PALM2AKAP2: variants seen among roughly 807,000 people sequenced by gnomAD.
PALM2AKAP2 encodes PALM2-AKAP2 fusion protein.
A neutral mutation model predicts 71.5 loss-of-function variants in PALM2AKAP2; 37 were observed. The observed-to-expected ratio is 0.52, with a 90% CI of 0.40 to 0.68. PALM2AKAP2 has a LOEUF of 0.68. PALM2AKAP2 is among the 30% of genes least tolerant of loss of function. The pLI is 0.00. For missense variants in PALM2AKAP2, 1,224 were observed against 1,191.8 expected (o/e 1.03, Z -0.40); for synonymous variants, 468 against 478.8 (o/e 0.98, Z 0.29).
chr9:109,748,309 G>A (rs192459789), intron 1 of PALM2AKAP2, among the ~76,000 whole-genome samples: 106 of 152,256 alleles, frequency 7.0e-4, no homozygotes, highest in Non-Finnish European at 1.3e-3. Context: ...CTGCAGTTGA[G>A]GGTACATGAA....
At chr9:110,160,051 G>A (rs911926814) in intron 3 of PALM2AKAP2, among the ~76,000 whole-genome samples, 10 of 152,140 alleles carry the variant, frequency 6.6e-5, no homozygotes, top group Non-Finnish European at 1.3e-4. Context: ...CTAATTCTGA[G>A]GGCAGGAGGA....
chr9:109,741,991 T>C (rs3117682), intron 1 of PALM2AKAP2, among the ~76,000 whole-genome samples: 69,514 of 151,986 alleles, frequency 0.46, 16,188 homozygotes, highest in East Asian at 0.5. Context: ...TATTAGATGT[T>C]TATTGCACTT....
intron 6 of PALM2AKAP2, among the ~76,000 whole-genome samples, chr9:110,000,642 A>G (rs919209859): frequency 1.3e-5 from 2 of 152,142 alleles, no homozygotes; most frequent in Non-Finnish European, 2.9e-5. Flanking sequence ...GTGTAAAAGT[A>G]TTCCTATTTC....
intron 1 of PALM2AKAP2, among the ~76,000 whole-genome samples, chr9:109,656,470 C>G (rs1161887742): frequency 6.6e-6 from 1 of 152,218 alleles, no homozygotes; most frequent in Non-Finnish European, 1.5e-5. Flanking sequence ...CCAGAGTTTT[C>G]AGGGGCTCCA....
At chr9:109,661,608 G>T (rs1827397730) in intron 1 of PALM2AKAP2, among the ~76,000 whole-genome samples, 1 of 152,142 alleles carries the variant, frequency 6.6e-6, no homozygotes, top group African/African-American at 2.4e-5. Flanking sequence ...GATGCCTCCA[G>T]CTTTGTGCTT....
At chr9:109,694,196 T>C (rs1343453877) in intron 1 of PALM2AKAP2, among the ~76,000 whole-genome samples, 2 of 152,074 alleles carry the variant, frequency 1.3e-5, no homozygotes, top group Non-Finnish European at 1.5e-5. Context: ...CTAGAAGTTA[T>C]GTACAGGCTA....
At chr9:109,943,181 G>T in intron 6 of PALM2AKAP2, 1 of 1,614,220 alleles carries the variant, frequency 6.2e-7, no homozygotes, top group Non-Finnish European at 8.5e-7. Context: ...AAGGTGCTAG[G>T]CTATGATGAA....
exon 4 of PALM2AKAP2, chr9:110,169,634 G>A (rs938509557): frequency 6.6e-6 from 1 of 152,286 alleles, no homozygotes; most frequent in African/African-American, 2.4e-5. Flanking sequence ...AAGGAGGTAA[G>A]AGATACTATT....
intron 6 of PALM2AKAP2, among the ~76,000 whole-genome samples, chr9:109,974,901 G>A (rs540908762): frequency 6.6e-6 from 1 of 152,326 alleles, no homozygotes; most frequent in African/African-American, 2.4e-5. Context: ...TCTGAAAGGT[G>A]AGCACATATG....
chr9:109,849,370 A>G (rs950351942), intron 1 of PALM2AKAP2, among the ~76,000 whole-genome samples: 1 of 152,202 alleles, frequency 6.6e-6, no homozygotes, highest in Non-Finnish European at 1.5e-5. Flanking sequence ...CATCTTCCCC[A>G]TTACTAGTTG....
intron 7 of PALM2AKAP2, among the ~76,000 whole-genome samples, chr9:110,037,387 G>C (rs1239835786): frequency 6.6e-6 from 1 of 152,118 alleles, no homozygotes; most frequent in East Asian, 1.9e-4. Flanking sequence ...TGTATTTTTA[G>C]TAGGGACGGG....
chr9:110,026,468 T>C (rs1270108577), intron 7 of PALM2AKAP2, among the ~76,000 whole-genome samples: 1 of 152,220 alleles, frequency 6.6e-6, no homozygotes, highest in East Asian at 1.9e-4. Flanking sequence ...TTTATTGTGG[T>C]AAAACAGATA....
intron 1 of PALM2AKAP2, among the ~76,000 whole-genome samples, chr9:109,733,790 G>A (rs564580510): frequency 3.3e-5 from 5 of 152,100 alleles, no homozygotes; most frequent in African/African-American, 7.2e-5. Flanking sequence ...CTGCTACCAC[G>A]AATAGTGATT....
At chr9:109,780,313 G>T, upstream of PALM2AKAP2, 1 of 1,364,774 alleles carries the variant, frequency 7.3e-7, no homozygotes, top group South Asian at 1.8e-5. Flanking sequence ...GCTGAGCCCG[G>T]GCGAGCCCGC....
intron 2 of PALM2AKAP2, among the ~76,000 whole-genome samples, chr9:110,142,396 A>G (rs1394700494): frequency 1.3e-5 from 2 of 152,096 alleles, no homozygotes; most frequent in African/African-American, 4.8e-5. Flanking sequence ...CCTGGCCCTT[A>G]TTTGACTTTT....
intron 7 of PALM2AKAP2, among the ~76,000 whole-genome samples, chr9:110,040,661 G>A (rs956485722): frequency 2.6e-5 from 4 of 152,126 alleles, no homozygotes; most frequent in African/African-American, 9.6e-5. Flanking sequence ...TGTTACAGTC[G>A]TATTTTTTTT....
At chr9:110,010,142 T>C (rs1290405427) in intron 6 of PALM2AKAP2, among the ~76,000 whole-genome samples, 1 of 152,220 alleles carries the variant, frequency 6.6e-6, no homozygotes, top group Non-Finnish European at 1.5e-5. Flanking sequence ...TGGATATTTA[T>C]AAACATAACC....
chr9:109,955,020 C>T (rs1831721202), intron 6 of PALM2AKAP2, among the ~76,000 whole-genome samples: 1 of 152,120 alleles, frequency 6.6e-6, no homozygotes, highest in African/African-American at 2.4e-5. Context: ...ATTATTTTTA[C>T]CACCTTCTAT....
At chr9:110,123,993 C>T (rs376760728) in intron 1 of PALM2AKAP2, among the ~76,000 whole-genome samples, 8 of 152,336 alleles carry the variant, frequency 5.3e-5, no homozygotes, top group South Asian at 2.1e-4. Flanking sequence ...AGCATAAATT[C>T]GGAGTTCCCT....
Sources: allele counts gnomAD v4.1 joint callset (sites outside exome capture counted in the v4.1 genomes callset), GRCh38; gene constraint gnomAD v4.1.1; transcripts MANE v1.5; gene names NCBI Gene and HGNC (gene_info 2026-07-23, HGNC 2026-07-21).